EFCAB12: variants seen among roughly 807,000 people sequenced by gnomAD.
EFCAB12 encodes the protein EF-hand calcium binding domain 12, also known as EF-hand calcium-binding domain-containing protein 12.
EFCAB12 carries 43 observed loss-of-function variants against 53.6 expected under a neutral mutation model. The ratio of observed to expected loss-of-function variants is 0.80; its 90% CI spans 0.63 to 1.03. The LOEUF is 1.03. Among genes scored for constraint, EFCAB12 ranks in the 50% least tolerant of loss-of-function variants. The pLI is 0.00. For missense variants in EFCAB12, 646 were observed against 730.6 expected, an observed-to-expected ratio of 0.88 and a Z score of 1.34; for synonymous variants, 269 against 289.2, an observed-to-expected ratio of 0.93 and a Z score of 0.71.
In EFCAB12 at chr3:129,405,869, G is replaced by A. The variant is rs564463925; in HGVS notation, c.1250-1466C>T. Among the ~76,000 whole-genome samples, 3 of 152,302 alleles carry A rather than the reference G, an allele frequency of 2.0e-5. No homozygotes were observed. In the South Asian group the frequency reaches 6.2e-4, roughly 32 times the overall value. On this transcript the variant is annotated intron_variant, in intron 6 of 8. Transcript: ENST00000505956. ...AGGATGCTCCTGTGTGCCCATGAAC[G>A]TGAGATCCTGCAGACAGGTGAAGCT...
At position 129,420,579 on chromosome 3, in the gene EFCAB12, A is replaced by G. The variant is rs140396888; in HGVS notation, c.486+788T>C. The stretch of plus-strand genomic sequence containing the variant: ...CCAACCTCACAATCGTCATCCTCAC[A>G]ATAGCTTGCTACATGGAACCCTCAG... On this transcript the variant is annotated intron_variant, in intron 2 of 8. Transcript: ENST00000505956. Among the ~76,000 whole-genome samples, 346 of 152,338 alleles carry G rather than the reference A, an allele frequency of 2.3e-3. 10 individuals carry two copies. Among genetic ancestry groups the G allele is most frequent in the Admixed American group, 0.021 (321 of 15,304 alleles).
chr3:129,426,764 A>G (rs1316040418), intron 1 of EFCAB12, among the ~76,000 whole-genome samples: 4 of 147,064 alleles, frequency 2.7e-5, no homozygotes, highest in East Asian at 4.1e-4. Context: ...GCAGCCTTGA[A>G]CTCCTGGGCT....
chr3:129,406,955 G>A (rs2071961351), intron 6 of EFCAB12, among the ~76,000 whole-genome samples: 3 of 151,952 alleles, frequency 2.0e-5, no homozygotes, highest in Admixed American at 6.6e-5. Context: ...TGAACTCCTG[G>A]GATCAAGCTA....
intron 1 of EFCAB12, among the ~76,000 whole-genome samples, chr3:129,423,436 G>A (rs2072213711): frequency 1.3e-5 from 2 of 151,796 alleles, no homozygotes; most frequent in Non-Finnish European, 2.9e-5. Flanking sequence ...AGGCCAGCCT[G>A]GGCAAAATAG....
At chr3:129,425,936 C>T (rs1577054437) in intron 1 of EFCAB12, among the ~76,000 whole-genome samples, 1 of 152,170 alleles carries the variant, frequency 6.6e-6, no homozygotes, top group South Asian at 2.1e-4. Flanking sequence ...TTATATTGAC[C>T]CAGAATTTGT....
At chr3:129,405,911 C>T (rs1157335796) in intron 6 of EFCAB12, among the ~76,000 whole-genome samples, 1 of 152,114 alleles carries the variant, frequency 6.6e-6, no homozygotes, top group Non-Finnish European at 1.5e-5. Flanking sequence ...TGTAGGAACC[C>T]AGCAGCTAGC....
In EFCAB12 at chr3:129,421,779, AT is replaced by A. The variant is rs1290292287; in HGVS notation, c.73del (p.Ile25SerfsTer82). ...ATCAAAGACGGGAGCATTTTCATTG[AT>A]GGGAGTCTTAGACGGGCAGAGTCCT... ...LLGLCPSKTP[I>X]NENAPVFDPE... is the part of the protein sequence containing the mutation. On this transcript the variant is annotated frameshift_variant, in exon 2 of 9. Coordinates refer to ENST00000505956, the MANE Select transcript of EFCAB12 (RefSeq NM_207307.3). LOFTEE classifies it high-confidence loss of function. The A allele has an allele frequency of 4.3e-6, 7 of 1,613,012 alleles. No individual in the cohort carries two copies. Among genetic ancestry groups the A allele is most frequent in the Non-Finnish European group, 5.9e-6 (7 of 1,179,396 alleles).
At chr3:129,426,359 G>GTT (rs71620055) in intron 1 of EFCAB12, among the ~76,000 whole-genome samples, 2,619 of 87,572 alleles carry the variant, frequency 0.03, 80 homozygotes, top group African/African-American at 0.039. Context: ...GTTTTTTTTT[G>GTT]TTTTTTTTTT....
At chr3:129,427,492 T>C (rs1016077239) in intron 1 of EFCAB12, among the ~76,000 whole-genome samples, 1 of 152,152 alleles carries the variant, frequency 6.6e-6, no homozygotes, top group African/African-American at 2.4e-5. Context: ...GTCCCGTAGT[T>C]CCCTCTAGCC....
At chr3:129,415,216 G>A in intron 4 of EFCAB12, 29 bp downstream of exon 4, 1 of 1,558,248 alleles carries the variant, frequency 6.4e-7, no homozygotes, top group African/African-American at 1.4e-5. Context: ...ACGGGGAGGT[G>A]GAGGCACAGG....
Position 129,428,634 on chromosome 3 carries a change from G to A in EFCAB12, c.-146C>T. ...TCAGCTCAGACTGCAGAAGCAACCT[G>A]TTGCCGTGGCTACGGACGCCCCGCG... On this transcript the variant is annotated 5_prime_UTR_variant, in exon 1 of 9. Transcript: ENST00000505956. The A allele has an allele frequency of 9.8e-7, 1 of 1,017,920 alleles. No individual in the cohort carries two copies. Among genetic ancestry groups the A allele is most frequent in the Non-Finnish European group, 1.4e-6 (1 of 703,672 alleles). The allele number at this position is 1,017,920 out of a possible 1,614,324, so 63.1% of individuals were successfully genotyped here. A position where few individuals can be genotyped will look rare whatever the true frequency, so the allele number is the denominator to read the frequency against.
Position 129,415,411 on chromosome 3 carries a change from GAGA to G in EFCAB12, c.682-13_682-11del, listed in dbSNP as rs2072103165. 6.2e-7 allele frequency: 1 copy of G among 1,613,432 alleles called. No individual in the cohort carries two copies. Among genetic ancestry groups the G allele is most frequent in the Non-Finnish European group, 8.5e-7 (1 of 1,179,700 alleles). ...TCAGAGGGACTCCGACCTGAGGAGA[GAGA>G]AGACCTTCAGACTAGCAGGCTCCCA... On this transcript the variant is annotated splice_polypyrimidine_tract_variant and intron_variant, in intron 3 of 8. Transcript: ENST00000505956.
Position 129,418,465 on chromosome 3 carries a change from G to A in EFCAB12, c.487-17C>T. 6.3e-7 allele frequency: 1 copy of A among 1,586,356 alleles called. No individual in the cohort carries two copies. The highest frequency in any genetic ancestry group is 8.6e-7 in the Non-Finnish European group (1 of 1,166,140). Reference sequence around the variant, plus strand: ...GGCTTTCTTCTGGAAGAGGTGAGAGGGTAGGGCAGAGGAGAGAGTTCAAAG... The same window carrying A: ...GGCTTTCTTCTGGAAGAGGTGAGAGAGTAGGGCAGAGGAGAGAGTTCAAAG... On this transcript the variant is annotated splice_polypyrimidine_tract_variant and intron_variant, in intron 2 of 8. Coordinates refer to ENST00000505956, the MANE Select transcript of EFCAB12 (RefSeq NM_207307.3).
chr3:129,426,422 T>TG (rs1192306029), intron 1 of EFCAB12, among the ~76,000 whole-genome samples: 10 of 142,272 alleles, frequency 7.0e-5, no homozygotes, highest in Admixed American at 3.1e-4. Context: ...TAAAGTGCAG[T>TG]GGCACGATCT....
chr3:129,411,171 T>TGCCGCTCGCGGTACC lies in EFCAB12; in HGVS notation c.1007_1021dup (p.Arg336_Arg340dup). 6.3e-7 allele frequency: 1 copy of TGCCGCTCGCGGTACC among 1,592,852 alleles called. No individual in the cohort carries two copies. The highest frequency in any genetic ancestry group is 1.1e-5 in the South Asian group (1 of 88,692). ...CTGGCGAGGTACCTTGTGCTGTCGC[T>TGCCGCTCGCGGTACC]GCCGCTCGCGGTACCGCTTGCCCAC... On this transcript the variant is annotated inframe_insertion, in exon 5 of 9. Coordinates refer to ENST00000505956, the MANE Select transcript of EFCAB12 (RefSeq NM_207307.3).
chr3:129,404,484 GTTTTT>G (rs200388634), intron 6 of EFCAB12, 81 bp from the exon 7 acceptor site: 8 of 1,049,840 alleles, frequency 7.6e-6, no homozygotes, highest in Non-Finnish European at 1.0e-5. Flanking sequence ...CAGAGGAGGT[GTTTTT>G]TTTTTTTTTA....
chr3:129,404,170 C>A, intron 7 of EFCAB12, 80 bp downstream of exon 7: 6 of 1,529,408 alleles, frequency 3.9e-6, no homozygotes, highest in South Asian at 1.3e-5. Flanking sequence ...CCCAGGTACT[C>A]CAGCCTCCAG....
chr3:129,424,253 G>T (rs1288431731), intron 1 of EFCAB12, among the ~76,000 whole-genome samples: 1 of 152,130 alleles, frequency 6.6e-6, no homozygotes, highest in Non-Finnish European at 1.5e-5. Flanking sequence ...AATAAGAAAA[G>T]TAAACATCAT....
At position 129,404,395 on chromosome 3, in the gene EFCAB12, A is replaced by G. The variant is rs1246617696; in HGVS notation, c.1258T>C (p.Tyr420His). Residue 420 changes from tyrosine (Y) to histidine (H), a missense_variant, in exon 7 of 9, where the codon TAC (tyrosine) becomes CAC (histidine). By Grantham distance (83) the Tyr-to-His change is moderately conservative (BLOSUM62 2). Transcript: ENST00000505956. Reference sequence around the variant, plus strand: ...TGGAAAATGATCTTGTCTCCTGGGTACAGCAAGGCTGTGGACAGCAAGAGA... The same window carrying G: ...TGGAAAATGATCTTGTCTCCTGGGTGCAGCAAGGCTGTGGACAGCAAGAGA... ...TEDILMKALL[Y>H]PGDKIIFQMD... 6.2e-7 allele frequency: 1 copy of G among 1,613,144 alleles called. No individual in the cohort carries two copies. The highest frequency in any genetic ancestry group is 8.5e-7 in the Non-Finnish European group (1 of 1,179,552).
Sources: gnomAD v4.1 joint callset for allele counts (sites outside exome capture counted in the v4.1 genomes callset) on GRCh38, gnomAD v4.1.1 for gene constraint, MANE v1.5 for transcripts, NCBI Gene and HGNC (gene_info 2026-07-23, HGNC 2026-07-21) for gene names.